Variants in E2F7 observed in about 807,000 individuals in gnomAD.
E2F7 encodes E2F transcription factor 7.
E2F7 carries 35 observed loss-of-function variants against 81.1 expected under a neutral mutation model. The ratio of observed to expected loss-of-function variants is 0.43; its 90% CI spans 0.33 to 0.57. The LOEUF (loss-of-function observed/expected upper bound fraction) is 0.57. Ranked by LOEUF, E2F7 falls within the 20% of genes least tolerant of loss-of-function variation. The probability of loss-of-function intolerance (pLI) is 0.04; values close to 1 mark genes in which losing one functional copy is unlikely to be tolerated. For missense variants in E2F7, 961 were observed against 1,093.7 expected, an observed-to-expected ratio of 0.88 and a Z score of 1.71; for synonymous variants, 416 against 416.2, an observed-to-expected ratio of 1.00 and a Z score of 0.01.
intron 9 of E2F7, among the ~76,000 whole-genome samples, chr12:77,030,577 G>A (rs1464591031): frequency 6.6e-6 from 1 of 152,130 alleles, no homozygotes. Context: ...AGGTGAGAGT[G>A]AACATTCATT....
In E2F7 at chr12:77,050,659, T is replaced by C; in HGVS notation, c.455A>G (p.Gln152Arg). 6.2e-7 allele frequency: 1 copy of C among 1,614,092 alleles called. No homozygotes were observed. The highest frequency in any genetic ancestry group is 8.5e-7 in the Non-Finnish European group (1 of 1,179,964). Residue 152 changes from glutamine (Q) to arginine (R), a missense_variant, in exon 4 of 13, where the codon CAG (glutamine) becomes CGG (arginine). Transcript: ENST00000322886. ...ACTTGGATAGCGAGCTAGAAACTTCTGGCACAGGAGTCCTAAACTTTTCTG... is the reference window on the plus strand; with the variant it reads ...ACTTGGATAGCGAGCTAGAAACTTCCGGCACAGGAGTCCTAAACTTTTCTG... Reference protein sequence around the residue: ...RKQKSLGLLCQKFLARYPSYP... With the variant: ...RKQKSLGLLCRKFLARYPSYP...
intron 7 of E2F7, among the ~76,000 whole-genome samples, chr12:77,039,792 C>G (rs954592661): frequency 1.3e-5 from 2 of 152,194 alleles, no homozygotes; most frequent in African/African-American, 4.8e-5. Context: ...TACGATGCAG[C>G]CTTTCCATTC....
chr12:77,046,106 T>C lies in E2F7; in HGVS notation c.761A>G (p.Lys254Arg), dbSNP rs746839956. 1.2e-6 allele frequency: 2 copies of C among 1,614,098 alleles called. No individual in the cohort carries two copies. The highest frequency in any genetic ancestry group is 1.7e-5 in the Admixed American group (1 of 59,994). The change falls in exon 5 of 13, where the codon AAA (lysine) becomes AGA (arginine). Residue 254 changes from lysine to arginine, a missense_variant. Lys to Arg is a conservative substitution (Grantham distance 26). Transcript: ENST00000322886. ...DLIDYKFGER[K>R]KDGDPDSQEQ... ...CTGGGAATCTGGATCACCATCTTTT[T>C]TACGTTCTCCAAATTTATAATCTAT...
chr12:77,046,369 AC>A, intron 4 of E2F7, 41 bp from the exon 5 acceptor site: 1 of 1,581,444 alleles, frequency 6.3e-7, no homozygotes, highest in Non-Finnish European at 8.6e-7. Context: ...ATGCAGACAA[AC>A]ATTTTTGAAG....
At position 77,033,077 on chromosome 12, in the gene E2F7, T is replaced by C. The variant is rs200837269; in HGVS notation, c.1355A>G (p.Tyr452Cys). Residue 452 changes from tyrosine to cysteine, a missense_variant, in exon 9 of 13, where the codon TAT (tyrosine) becomes TGT (cysteine). Coordinates refer to ENST00000322886, the MANE Select transcript of E2F7 (RefSeq NM_203394.3). ...TGAATTGTCTTCTATTTTCTGTCTA[T>C]AGACAGCTGCCAGGCTTCCAATTTC... The part of the protein sequence containing the change: ...SLEIGSLAAV[Y>C]RQKIEDNSQG... The C allele has an allele frequency of 8.8e-5, 142 of 1,613,886 alleles. No homozygotes were observed. In the East Asian group the frequency reaches 1.6e-3, roughly 18 times the overall value.
intron 4 of E2F7, among the ~76,000 whole-genome samples, chr12:77,046,801 T>A (rs1868354): frequency 0.34 from 51,080 of 152,094 alleles, 8,826 homozygotes; most frequent in African/African-American, 0.42. Context: ...ATACTGTCTA[T>A]CCTTTCGTGA....
chr12:77,053,615 A>G (rs1171435563), intron 3 of E2F7, among the ~76,000 whole-genome samples: 1 of 152,254 alleles, frequency 6.6e-6, no homozygotes, highest in Non-Finnish European at 1.5e-5. Context: ...ACCAGCAGAC[A>G]TAAACAAGAA....
In E2F7 at chr12:77,056,685, T is replaced by A. The variant is rs114399992; in HGVS notation, c.94-555A>T. On this transcript the variant is annotated intron_variant, in intron 2 of 12. Transcript: ENST00000322886. ...AACTACCCATGGTAAAGGACTCGTT[T>A]TTTTAGATTTCCAAACTCCTGCAAA... Among the ~76,000 whole-genome samples, 625 of 152,252 alleles carry A rather than the reference T, an allele frequency of 4.1e-3. 7 individuals carry two copies. The highest frequency in any genetic ancestry group is 0.014 in the African/African-American group (575 of 41,530).
intron 4 of E2F7, among the ~76,000 whole-genome samples, chr12:77,050,034 G>A (rs1011931162): frequency 6.6e-6 from 1 of 152,094 alleles, no homozygotes; most frequent in African/African-American, 2.4e-5. Flanking sequence ...ACTCATGCAC[G>A]TGCACACACG....
chr12:77,026,669 C>T (rs946988024), intron 11 of E2F7, among the ~76,000 whole-genome samples: 1 of 152,068 alleles, frequency 6.6e-6, no homozygotes, highest in Non-Finnish European at 1.5e-5. Flanking sequence ...AACAAATTAA[C>T]AATTTTAACA....
chr12:77,027,956 T>C lies in E2F7; in HGVS notation c.2067A>G (p.Glu689=), dbSNP rs1316080706. ...WGNPSRNTDV[E]KPSKENESTK... is the part of the protein sequence containing the mutation. Reference sequence around the variant, plus strand: ...TGCTTTCATTTTCTTTTGAAGGCTTTTCAACATCTGTATTTCTTGAAGGAT... The same window carrying C: ...TGCTTTCATTTTCTTTTGAAGGCTTCTCAACATCTGTATTTCTTGAAGGAT... Residue 689 remains glutamate (E), a synonymous_variant, in exon 11 of 13, where the codon GAA becomes GAG. Transcript: ENST00000322886. 1 of 1,614,220 alleles carries C rather than the reference T, an allele frequency of 6.2e-7. No individual in the cohort carries two copies. The highest frequency in any genetic ancestry group is 1.1e-5 in the South Asian group (1 of 91,088).
Position 77,064,571 on chromosome 12 carries a change from G to A in E2F7, c.65C>T (p.Ala22Val). ...TTGTGCATTTTCCCCATCTTCAACT[G>A]CAAAATCTAGTCTGGGCTGCCTGGG... The part of the protein sequence containing the change: ...ISPRQPRLDF[A>V]VEDGENAQKE... The change falls in exon 2 of 13, where the codon GCA (alanine) becomes GTA (valine). Residue 22 changes from alanine to valine, a missense_variant. Ala to Val is a moderately conservative substitution (Grantham distance 64). Transcript: ENST00000322886. 6.2e-7 allele frequency: 1 copy of A among 1,614,034 alleles called. No homozygotes were observed. Among genetic ancestry groups the A allele is most frequent in the Non-Finnish European group, 8.5e-7 (1 of 1,179,978 alleles).
At chr12:77,052,982 T>C (rs193026501) in intron 3 of E2F7, among the ~76,000 whole-genome samples, 221 of 152,204 alleles carry the variant, frequency 1.5e-3, no homozygotes, top group African/African-American at 5.1e-3. Flanking sequence ...TGTATAGACA[T>C]GAGATTAGCA....
intron 11 of E2F7, 123 bp from the exon 12 acceptor site, chr12:77,026,105 T>TTTTAATGATA: frequency 8.4e-7 from 1 of 1,197,064 alleles, no homozygotes; most frequent in Admixed American, 2.8e-5. Context: ...GATGAGACCT[T>TTTTAATGATA]CCCCCAGCTG....
intron 4 of E2F7, 151 bp from the exon 5 acceptor site, chr12:77,046,479 G>T: frequency 2.5e-6 from 2 of 792,396 alleles, no homozygotes; most frequent in Non-Finnish European, 3.8e-6. Flanking sequence ...CAACCTGTAA[G>T]GATGCAAGCA....
chr12:77,027,130 T>C (rs1954766333), intron 11 of E2F7, among the ~76,000 whole-genome samples: 1 of 152,216 alleles, frequency 6.6e-6, no homozygotes, highest in Non-Finnish European at 1.5e-5. Context: ...TGAATAATCA[T>C]AAATACTAAC....
rs7975299 is a variant in E2F7, at chr12:77,047,400, C to G, written c.539-1072G>C. On this transcript the variant is annotated intron_variant, in intron 4 of 12. Coordinates refer to ENST00000322886, the MANE Select transcript of E2F7 (RefSeq NM_203394.3). The stretch of plus-strand genomic sequence containing the variant: ...TTGTCATTCCTTTTGGCATGACATT[C>G]GTTATACCTAAAATCCCTGCTAGCA... Among the ~76,000 whole-genome samples the G allele has an allele frequency of 3.2e-3, 484 of 152,228 alleles. 4 individuals carry two copies. The highest frequency in any genetic ancestry group is 0.011 in the African/African-American group (449 of 41,532).
In E2F7 at chr12:77,022,772, T is replaced by C. The variant is rs1422753126; in HGVS notation, c.*1243A>G. 3.3e-5 allele frequency: 5 copies of C among 152,168 alleles called. No homozygotes were observed. Among genetic ancestry groups the C allele is most frequent in the African/African-American group, 1.2e-4 (5 of 41,442 alleles). 9.4% of individuals were successfully genotyped at this position (152,168 alleles called of 1,614,324 possible). ...AAAGAACTAGTATAGTTTGGCGACT[T>C]AATGCACCCCTAAAGTAATGTGGGT... On this transcript the variant is annotated 3_prime_UTR_variant, in exon 13 of 13. Coordinates refer to ENST00000322886, the MANE Select transcript of E2F7 (RefSeq NM_203394.3).
chr12:77,047,057 A>G (rs890779204), intron 4 of E2F7, among the ~76,000 whole-genome samples: 2 of 152,100 alleles, frequency 1.3e-5, no homozygotes, highest in African/African-American at 4.8e-5. Flanking sequence ...AACAGCCCAA[A>G]AGTGAAACAC....
Sources: gnomAD v4.1 joint callset for allele counts (sites outside exome capture counted in the v4.1 genomes callset) on GRCh38, gnomAD v4.1.1 for gene constraint, MANE v1.5 for transcripts, NCBI Gene and HGNC (gene_info 2026-07-23, HGNC 2026-07-21) for gene names.